Variants in CNTN5 observed in about 807,000 individuals in gnomAD.
The protein encoded by CNTN5 is contactin 5.
Under a neutral mutation model 129.1 loss-of-function variants are expected in CNTN5, and 77 were observed. The ratio of observed to expected loss-of-function variants is 0.60; its 90% confidence interval spans 0.50 to 0.72. The LOEUF is 0.72. Among genes scored for constraint, CNTN5 ranks in the 30% least tolerant of loss-of-function variants. The pLI, the probability that CNTN5 is intolerant of heterozygous loss-of-function variation, is 0.00. For synonymous variants in CNTN5, 509 were observed against 465.6 expected, an observed-to-expected ratio of 1.09 and a Z score of -1.20; for missense variants, 1,478 against 1,328.8, an observed-to-expected ratio of 1.11 and a Z score of -1.75.
intron 1 of CNTN5, among the ~76,000 whole-genome samples, chr11:99,109,338 G>A (rs1212225631): frequency 3.3e-5 from 5 of 151,992 alleles, no homozygotes; most frequent in Non-Finnish European, 7.4e-5. Context: ...AAAATTATAT[G>A]TGTAGAACTC....
intron 6 of CNTN5, among the ~76,000 whole-genome samples, chr11:99,897,524 A>G (rs1047653479): frequency 2.6e-5 from 4 of 152,160 alleles, no homozygotes; most frequent in African/African-American, 9.7e-5. Context: ...AATGTCAGCT[A>G]AGAATTTTAT....
chr11:99,969,938 C>G (rs1951203779), intron 8 of CNTN5, among the ~76,000 whole-genome samples: 2 of 152,152 alleles, frequency 1.3e-5, no homozygotes, highest in South Asian at 4.1e-4. Context: ...TTAGTGAATA[C>G]TTCTATCTCT....
intron 1 of CNTN5, among the ~76,000 whole-genome samples, chr11:99,114,883 G>A (rs1475332716): frequency 6.6e-6 from 1 of 152,166 alleles, no homozygotes; most frequent in Non-Finnish European, 1.5e-5. Flanking sequence ...TATATGTTAA[G>A]TCTTAATGCC....
intron 1 of CNTN5, among the ~76,000 whole-genome samples, chr11:99,271,015 C>G (rs1398138425): frequency 6.6e-6 from 1 of 151,942 alleles, no homozygotes; most frequent in African/African-American, 2.4e-5. Flanking sequence ...ATTACACCTT[C>G]AGAGTGTAGA....
At chr11:99,339,705 C>T (rs1044116761) in intron 2 of CNTN5, among the ~76,000 whole-genome samples, 1 of 151,916 alleles carries the variant, frequency 6.6e-6, no homozygotes, top group African/African-American at 2.4e-5. Flanking sequence ...TGGCGTGAAC[C>T]CAGGAGGCGG....
chr11:100,047,615 A>G (rs1942750041), intron 9 of CNTN5, among the ~76,000 whole-genome samples: 1 of 152,196 alleles, frequency 6.6e-6, no homozygotes, highest in South Asian at 2.1e-4. Context: ...ATTTTGTGGC[A>G]GCTCTTAATA....
At chr11:100,289,321 G>T (rs1268230229) in intron 18 of CNTN5, among the ~76,000 whole-genome samples, 3 of 152,102 alleles carry the variant, frequency 2.0e-5, no homozygotes, top group African/African-American at 7.2e-5. Context: ...GAGAATTTTA[G>T]ACCAATATCC....
intron 1 of CNTN5, among the ~76,000 whole-genome samples, chr11:99,281,028 T>A (rs951418929): frequency 5.3e-5 from 8 of 151,802 alleles, no homozygotes; most frequent in African/African-American, 1.9e-4. Context: ...CATGGATTGA[T>A]CAATAGATTA....
chr11:100,019,609 C>A (rs140460374), intron 9 of CNTN5, among the ~76,000 whole-genome samples: 1 of 151,956 alleles, frequency 6.6e-6, no homozygotes, highest in East Asian at 1.9e-4. Flanking sequence ...GACTCTTAAG[C>A]TGATTGCGTA....
At chr11:100,188,505 T>A (rs1948372966) in intron 13 of CNTN5, among the ~76,000 whole-genome samples, 2 of 152,014 alleles carry the variant, frequency 1.3e-5, no homozygotes, top group Admixed American at 1.3e-4. Flanking sequence ...ACATTACTAA[T>A]TGTCAGAGAA....
Position 99,370,460 on chromosome 11 carries a change from C to T in CNTN5, c.-71+44976C>T, listed in dbSNP as rs1939757516. Among the ~76,000 whole-genome samples, 5 of 152,232 alleles carry T rather than the reference C, an allele frequency of 3.3e-5. No individual in the cohort carries two copies. The South Asian group carries it at 1.0e-3, about 32-fold the overall frequency. On this transcript the variant is annotated intron_variant, in intron 2 of 24. Transcript: ENST00000524871. ...ACTCTTAAGAAGTATTGAACACTTC[C>T]CAAATTCCAAAGTATTGAACACGTA... is the stretch of plus-strand genomic sequence containing the variant.
intron 15 of CNTN5, among the ~76,000 whole-genome samples, chr11:100,207,172 G>A (rs2138574238): frequency 6.6e-6 from 1 of 152,130 alleles, no homozygotes; most frequent in South Asian, 2.1e-4. Flanking sequence ...AACATGATAA[G>A]CTTTATAGTA....
chr11:100,249,265 C>T (rs767584926), intron 16 of CNTN5, among the ~76,000 whole-genome samples: 12 of 152,226 alleles, frequency 7.9e-5, no homozygotes, highest in Non-Finnish European at 1.3e-4. Flanking sequence ...AATTGCTTCT[C>T]GAAGGAAGAT....
At chr11:100,269,416 G>T (rs1368996083) in intron 17 of CNTN5, among the ~76,000 whole-genome samples, 1 of 152,144 alleles carries the variant, frequency 6.6e-6, no homozygotes, top group East Asian at 1.9e-4. Flanking sequence ...TGGAAGGAGA[G>T]GAAATGTTAA....
At chr11:99,408,899 T>G (rs1942258474) in intron 2 of CNTN5, among the ~76,000 whole-genome samples, 1 of 152,218 alleles carries the variant, frequency 6.6e-6, no homozygotes, top group African/African-American at 2.4e-5. Flanking sequence ...CATCTGTTGT[T>G]AAGATCATTT....
At chr11:100,078,022 G>A (rs553781210) in intron 13 of CNTN5, among the ~76,000 whole-genome samples, 1 of 151,902 alleles carries the variant, frequency 6.6e-6, no homozygotes, top group East Asian at 1.9e-4. Context: ...ATTTAATTTA[G>A]CATTACTTAA....
Position 99,926,828 on chromosome 11 carries a change from T to G in CNTN5, c.673+10679T>G, listed in dbSNP as rs534059650. Reference sequence around the variant, plus strand: ...ACTTTCATTTTTTGATAATTTTGCTTTATTGATTGAAGCTGTTTTCCAAAT... The same window carrying G: ...ACTTTCATTTTTTGATAATTTTGCTGTATTGATTGAAGCTGTTTTCCAAAT... On this transcript the variant is annotated intron_variant, in intron 7 of 24. Transcript: ENST00000524871. Among the ~76,000 whole-genome samples, 177 of 152,230 alleles carry G rather than the reference T, an allele frequency of 1.2e-3. 1 individual carries two copies. The highest frequency in any genetic ancestry group is 0.012 in the Admixed American group (177 of 15,278).
At position 100,330,215 on chromosome 11, in the gene CNTN5, G is replaced by A. The variant is rs1951876722; in HGVS notation, c.2731-10248G>A. On this transcript the variant is annotated intron_variant, in intron 21 of 24. Transcript: ENST00000524871. ...AAAATCTCAGCAATAGAATCAAAAA[G>A]CAGAGGAAAGAACTCTGGAGCTCAA... is the stretch of plus-strand genomic sequence containing the variant. 2.0e-5 allele frequency among the ~76,000 whole-genome samples: 3 copies of A among 152,112 alleles called. No individual in the cohort carries two copies. In the South Asian group the frequency reaches 6.2e-4, roughly 32 times the overall value.
intron 2 of CNTN5, among the ~76,000 whole-genome samples, chr11:99,512,467 T>C (rs1441552263): frequency 6.6e-6 from 1 of 152,182 alleles, no homozygotes; most frequent in Non-Finnish European, 1.5e-5. Context: ...GAAGAGTGAC[T>C]GTATAGGCAT....
Sources: allele counts gnomAD v4.1 joint callset (sites outside exome capture counted in the v4.1 genomes callset), GRCh38; gene constraint gnomAD v4.1.1; transcripts MANE v1.5; gene names NCBI Gene and HGNC (gene_info 2026-07-23, HGNC 2026-07-21).